Variants in CPM observed in about 807,000 individuals in gnomAD.
The protein encoded by CPM is carboxypeptidase M.
Under a neutral mutation model 46.4 loss-of-function variants are expected in CPM, and 35 were observed. The ratio of observed to expected loss-of-function variants is 0.75; its 90% CI spans 0.58 to 1.00. CPM has a LOEUF of 1.00. Among genes scored for constraint, CPM ranks in the 50% least tolerant of loss-of-function variants. The probability of loss-of-function intolerance (pLI) is 0.00; values close to 1 mark genes in which losing one functional copy is unlikely to be tolerated. For synonymous variants in CPM, 195 were observed against 195.3 expected (o/e 1.00, Z 0.01); for missense variants, 422 against 530.4 (o/e 0.80, Z 2.01).
At chr12:68,869,294 A>G in intron 6 of CPM, 31 bp downstream of exon 6, 1 of 1,601,510 alleles carries the variant, frequency 6.2e-7, no homozygotes, top group South Asian at 1.1e-5. Flanking sequence ...GAAGGCAATA[A>G]GGAGAATGGA....
At chr12:68,863,921 C>T (rs1421529807) in intron 7 of CPM, among the ~76,000 whole-genome samples, 1 of 152,196 alleles carries the variant, frequency 6.6e-6, no homozygotes, top group African/African-American at 2.4e-5. Flanking sequence ...TCTTCACAAA[C>T]AAAATATTCA....
intron 7 of CPM, among the ~76,000 whole-genome samples, chr12:68,865,933 G>A (rs964763355): frequency 6.6e-6 from 1 of 152,156 alleles, no homozygotes; most frequent in Admixed American, 6.6e-5. Flanking sequence ...CTCCGGGTTG[G>A]GGCCTGGCAA....
At chr12:68,864,403 C>T (rs555156882) in intron 7 of CPM, among the ~76,000 whole-genome samples, 2 of 152,204 alleles carry the variant, frequency 1.3e-5, no homozygotes, top group Non-Finnish European at 2.9e-5. Context: ...GATCATCACA[C>T]CATTGCACTC....
intron 2 of CPM, among the ~76,000 whole-genome samples, chr12:68,900,790 T>C (rs1887079807): frequency 6.6e-6 from 1 of 152,090 alleles, no homozygotes; most frequent in Non-Finnish European, 1.5e-5. Context: ...GGCTATACTA[T>C]ATGAGTCCAA....
chr12:68,938,398 TAA>T (rs200022100), intron 1 of CPM, among the ~76,000 whole-genome samples: 52 of 145,106 alleles, frequency 3.6e-4, no homozygotes, highest in African/African-American at 1.1e-3. Flanking sequence ...GACTCTGTCT[TAA>T]AAAAAAAAAA....
chr12:68,858,576 G>A (rs1373743069), intron 8 of CPM, among the ~76,000 whole-genome samples: 1 of 152,112 alleles, frequency 6.6e-6, no homozygotes, highest in African/African-American at 2.4e-5. Flanking sequence ...AATGGGTGTT[G>A]TGTCGTATCC....
chr12:68,853,703 C>G lies in CPM; in HGVS notation c.*2734G>C, dbSNP rs7971479. On this transcript the variant is annotated 3_prime_UTR_variant, in exon 9 of 9. Transcript: ENST00000551568. ...GAAATCAGCCTATATTACTGTCACA[C>G]TGGGGATTAAGTAAAAAAAAGAGAA... The G allele has an allele frequency of 6.8e-6, 1 of 147,948 alleles. No homozygotes were observed. The highest frequency in any genetic ancestry group is 1.5e-5 in the Non-Finnish European group (1 of 67,532). 9.2% of individuals were successfully genotyped at this position (147,948 alleles called of 1,614,324 possible). A position where few individuals can be genotyped will look rare whatever the true frequency, so the allele number is the denominator to read the frequency against.
At chr12:68,944,958 T>A (rs1376112895) in intron 1 of CPM, among the ~76,000 whole-genome samples, 1 of 152,078 alleles carries the variant, frequency 6.6e-6, no homozygotes, top group African/African-American at 2.4e-5. Context: ...AGTTGAGTCA[T>A]GAGTCATGAG....
intron 3 of CPM, among the ~76,000 whole-genome samples, chr12:68,878,765 C>T (rs1886065237): frequency 1.3e-5 from 2 of 152,216 alleles, no homozygotes; most frequent in Non-Finnish European, 2.9e-5. Context: ...ATCTGGACAA[C>T]AGGCAAAATG....
chr12:68,909,222 T>A (rs1477088193), intron 2 of CPM, among the ~76,000 whole-genome samples: 2 of 152,076 alleles, frequency 1.3e-5, no homozygotes, highest in East Asian at 1.9e-4. Context: ...TTTAAAAAAA[T>A]TTTCGTTAGA....
chr12:68,933,184 CG>C (rs1173634909), upstream of CPM: 1 of 161,440 alleles, frequency 6.2e-6, no homozygotes, highest in Non-Finnish European at 1.3e-5. Flanking sequence ...GGCCGCCCGG[CG>C]GGGCCGGGTG....
rs1277204722 is a variant in CPM at position 68,851,621 on chromosome 12, AAAAG to A, written c.*4812_*4815del. ...GCGAGACTCCGTCTCAAAAAAAAAA[AAAAG>A]AAATAAAAAAAGTTACCAGGAAAAC... On this transcript the variant is annotated 3_prime_UTR_variant, in exon 9 of 9. Transcript: ENST00000551568. The A allele has an allele frequency of 7.9e-5, 12 of 152,228 alleles. No homozygotes were observed. In the East Asian group the frequency reaches 1.3e-3, roughly 17 times the overall value. The allele number at this position is 152,228 out of a possible 1,614,324, so 9.4% of individuals were successfully genotyped here. A position where few individuals can be genotyped will look rare whatever the true frequency, so the allele number is the denominator to read the frequency against.
At chr12:68,912,314 T>C (rs1257548246) in intron 2 of CPM, among the ~76,000 whole-genome samples, 2 of 152,192 alleles carry the variant, frequency 1.3e-5, no homozygotes, top group East Asian at 1.9e-4. Context: ...TGTATCATTA[T>C]TGTTTATAAA....
chr12:68,855,607 T>C lies in CPM; in HGVS notation c.*830A>G, dbSNP rs754477957. 4 of 152,202 alleles carry C rather than the reference T, an allele frequency of 2.6e-5. No homozygotes were observed. The highest frequency in any genetic ancestry group is 4.4e-5 in the Non-Finnish European group (3 of 68,056). 9.4% of individuals were successfully genotyped at this position (152,202 alleles called of 1,614,324 possible). A position where few individuals can be genotyped will look rare whatever the true frequency, so the allele number is the denominator to read the frequency against. ...GTGGTTACATATTTTCTCTCACATC[T>C]CCTAGAACGTTTGCAAAACAATTCC... On this transcript the variant is annotated 3_prime_UTR_variant, in exon 9 of 9. Transcript: ENST00000551568.
intron 3 of CPM, among the ~76,000 whole-genome samples, chr12:68,880,007 G>T (rs2136243534): frequency 6.6e-6 from 1 of 152,134 alleles, no homozygotes; most frequent in Admixed American, 6.5e-5. Context: ...GGGAAGGTGA[G>T]GGGACAAGGA....
At chr12:68,844,972 TG>T (rs1400787850) in intron 5 of CPM, 1 of 193,292 alleles carries the variant, frequency 5.2e-6, no homozygotes, top group African/African-American at 2.3e-5. Flanking sequence ...TTCACTATGT[TG>T]GCCAGGCTGG....
At chr12:68,945,541 G>A (rs968447009) in intron 1 of CPM, among the ~76,000 whole-genome samples, 19 of 152,308 alleles carry the variant, frequency 1.2e-4, no homozygotes, top group South Asian at 1.0e-3. Flanking sequence ...AAGGTAAGAG[G>A]AGTGAAACCA....
chr12:68,963,251 G>C (rs1261158812), exon 1 of CPM: 1 of 198,534 alleles, frequency 5.0e-6, no homozygotes, highest in African/African-American at 2.4e-5. Flanking sequence ...TGCTCAGAGA[G>C]GCCAAGAAGA....
chr12:68,848,566 G>C (rs1265695821), downstream of CPM: 1 of 152,206 alleles, frequency 6.6e-6, no homozygotes, highest in Non-Finnish European at 1.5e-5. Flanking sequence ...AGTTGATATG[G>C]TGTCAGAATT....
Sources: gnomAD v4.1 joint callset for allele counts (sites outside exome capture counted in the v4.1 genomes callset) on GRCh38, gnomAD v4.1.1 for gene constraint, MANE v1.5 for transcripts, NCBI Gene and HGNC (gene_info 2026-07-23, HGNC 2026-07-21) for gene names.